IRAG1: variants seen among roughly 807,000 people sequenced by gnomAD.
IRAG1 encodes the protein IP3R-associated cGMP kinase substrate.
IRAG1 carries 62 observed loss-of-function variants against 106.2 expected under a neutral mutation model. That is an observed-to-expected ratio of 0.58 (90% CI 0.48 to 0.72). The LOEUF is 0.72. Among genes scored for constraint, IRAG1 ranks in the 30% least tolerant of loss-of-function variants. IRAG1 has a pLI of 0.00. For synonymous variants in IRAG1, 462 were observed against 443.9 expected, an observed-to-expected ratio of 1.04 and a Z score of -0.51; for missense variants, 1,064 against 1,140.7, an observed-to-expected ratio of 0.93 and a Z score of 0.97.
intron 16 of IRAG1, 137 bp downstream of exon 16, chr11:10,594,009 T>C: frequency 2.5e-6 from 2 of 790,086 alleles, no homozygotes; most frequent in South Asian, 3.6e-5. Context: ...AACTTGAGAG[T>C]GTGGAAAGCC....
At chr11:10,672,887 T>C (rs1445688657) in intron 1 of IRAG1, among the ~76,000 whole-genome samples, 1 of 152,214 alleles carries the variant, frequency 6.6e-6, no homozygotes, top group African/African-American at 2.4e-5. Flanking sequence ...AGCAGCACTA[T>C]TTATAATAGC....
rs755957117 is a variant in IRAG1, at chr11:10,581,917, C to T, written c.2310G>A (p.Glu770=). Residue 770 remains glutamate, a synonymous_variant, in exon 19 of 21, where the codon GAG becomes GAA. Coordinates refer to ENST00000423302, the MANE Select transcript of IRAG1 (RefSeq NM_130385.4). ...TCCTGGCCTTGGTCTCCTGACTAAG[C>T]TCCTCCAGGCAGCTCAGGGTCAGCG... ...APALTLSCLE[E]LSQETKARME... The T allele has an allele frequency of 1.2e-6, 2 of 1,613,944 alleles. No individual in the cohort carries two copies. The highest frequency in any genetic ancestry group is 1.7e-6 in the Non-Finnish European group (2 of 1,179,838).
In IRAG1 at chr11:10,616,948, GA is replaced by G. The variant is rs532068528; in HGVS notation, c.1447+6829del. 523 of 844,910 alleles carry G rather than the reference GA, an allele frequency of 6.2e-4. 2 individuals carry two copies. In the African/African-American group the frequency reaches 8.9e-3, roughly 14 times the overall value. 52.3% of individuals were successfully genotyped at this position (844,910 alleles called of 1,614,324 possible). On this transcript the variant is annotated intron_variant, in intron 10 of 20. Transcript: ENST00000423302. Reference sequence around the variant, plus strand: ...TGTTTCTGACCATGTCAGGGACTTGGAAAAATTACTTTTGGAGCTCTGAAAG... The same window carrying G: ...TGTTTCTGACCATGTCAGGGACTTGGAAAATTACTTTTGGAGCTCTGAAAG...
rs547529559 is a variant in IRAG1 at position 10,623,615 on chromosome 11, G to A, written c.1447+163C>T. 9.2e-5 allele frequency among the ~76,000 whole-genome samples: 14 copies of A among 152,344 alleles called. No homozygotes were observed. The Middle Eastern group carries it at 0.014, about 148-fold the overall frequency. On this transcript the variant is annotated intron_variant, in intron 10 of 20. Transcript: ENST00000423302. ...GGGCTGGTTGGAAGGAGGCAGGTTT[G>A]GAGGTGCTGAGCGGGCAGAAGACAC... is the stretch of plus-strand genomic sequence containing the variant.
rs960582730 is a variant in IRAG1, at chr11:10,628,550, G to A, written c.652+201C>T. Among the ~76,000 whole-genome samples, 7 of 152,206 alleles carry A rather than the reference G, an allele frequency of 4.6e-5. No homozygotes were observed. The highest frequency in any genetic ancestry group is 1.4e-4 in the African/African-American group (6 of 41,450). On this transcript the variant is annotated intron_variant, in intron 6 of 20. Coordinates refer to ENST00000423302, the MANE Select transcript of IRAG1 (RefSeq NM_130385.4). The surrounding 1 kb of genome is among the most constrained non-coding windows in gnomAD (Gnocchi z 4.1). The stretch of plus-strand genomic sequence containing the variant: ...CTGCCTCCCGACACAAGCCCAAGAT[G>A]CTAACAGAAAGTCTATCTGCCTCCT...
At chr11:10,603,317 C>T in intron 13 of IRAG1, 66 bp from the exon 14 acceptor site, 3 of 1,568,158 alleles carry the variant, frequency 1.9e-6, no homozygotes, top group Non-Finnish European at 2.6e-6. Context: ...CAGCAGTCCC[C>T]AACCTTTTCG....
chr11:10,623,814 G>A lies in IRAG1; in HGVS notation c.1411C>T (p.Leu471Phe), dbSNP rs1564912942. The A allele has an allele frequency of 4.3e-6, 7 of 1,614,040 alleles. No homozygotes were observed. The highest frequency in any genetic ancestry group is 2.2e-5 in the East Asian group (1 of 44,890). Reference protein sequence around the residue: ...MRNQNLVGLKLPDLSEAAEQE... With the variant: ...MRNQNLVGLKFPDLSEAAEQE... ...TCAGCTGCTTCACTAAGGTCTGGAA[G>A]CTTGAGCCCCACTAAGTTCTGATTT... The change falls in exon 10 of 21, where the codon CTT becomes TTT. Residue 471 changes from leucine (L) to phenylalanine (F), a missense_variant. Physicochemically the swap from Leu to Phe is conservative, Grantham distance 22. Coordinates refer to ENST00000423302, the MANE Select transcript of IRAG1 (RefSeq NM_130385.4).
intron 10 of IRAG1, among the ~76,000 whole-genome samples, chr11:10,613,973 C>T (rs1377554333): frequency 6.6e-6 from 1 of 152,164 alleles, no homozygotes; most frequent in Non-Finnish European, 1.5e-5. Flanking sequence ...AATTCTCACG[C>T]ACCAAGCCAA....
At chr11:10,596,223 G>A (rs555633358) in intron 15 of IRAG1, among the ~76,000 whole-genome samples, 5 of 152,112 alleles carry the variant, frequency 3.3e-5, no homozygotes, top group Non-Finnish European at 5.9e-5. Flanking sequence ...TGTTCTTTCA[G>A]CGAGGGTCTA....
chr11:10,588,193 C>A (rs1441003785), intron 18 of IRAG1, among the ~76,000 whole-genome samples: 1 of 152,074 alleles, frequency 6.6e-6, no homozygotes, highest in Admixed American at 6.6e-5. Context: ...CAGTAATTAC[C>A]ATTGTCATCG....
At position 10,628,177 on chromosome 11, in the gene IRAG1, G is replaced by A; in HGVS notation, c.653-152C>T. On this transcript the variant is annotated intron_variant, in intron 6 of 20. Coordinates refer to ENST00000423302, the MANE Select transcript of IRAG1 (RefSeq NM_130385.4). This position sits in a 1 kb window ranked among gnomAD's most constrained non-coding sequence, Gnocchi z 4.1. ...CCTCCCGTGTGCCAGGTTCTCAGGTGGGCCCTCACAGAATGTTCACAGAGA... is the reference window on the plus strand; with the variant it reads ...CCTCCCGTGTGCCAGGTTCTCAGGTAGGCCCTCACAGAATGTTCACAGAGA... 1.2e-6 allele frequency: 1 copy of A among 802,696 alleles called. No individual in the cohort carries two copies. Among genetic ancestry groups the A allele is most frequent in the Non-Finnish European group, 2.1e-6 (1 of 466,192 alleles). 49.7% of individuals were successfully genotyped at this position (802,696 alleles called of 1,614,324 possible). A position where few individuals can be genotyped will look rare whatever the true frequency, so the allele number is the denominator to read the frequency against.
rs756930002 is a variant in IRAG1 at position 10,580,590 on chromosome 11, C to G, written c.2361-1G>C. The G allele has an allele frequency of 1.2e-6, 2 of 1,610,796 alleles. No individual in the cohort carries two copies. Among genetic ancestry groups the G allele is most frequent in the Non-Finnish European group, 8.5e-7 (1 of 1,179,022 alleles). ...GGTCTTCTTTAGACCTTCTTGGAAT[C>G]TGGGGGGCAAAAAGGAACAGTTGAG... is the stretch of plus-strand genomic sequence containing the variant. On this transcript the variant is annotated splice_acceptor_variant, in intron 19 of 20. Transcript: ENST00000423302. LOFTEE classifies it high-confidence loss of function.
intron 1 of IRAG1, among the ~76,000 whole-genome samples, chr11:10,664,542 G>A (rs886816573): frequency 3.9e-5 from 6 of 152,162 alleles, no homozygotes; most frequent in African/African-American, 9.7e-5. Flanking sequence ...AATAGTAAAG[G>A]CTGGGCTAAC....
chr11:10,584,548 AATATATATAT>A (rs56768282), intron 18 of IRAG1, among the ~76,000 whole-genome samples: 3,428 of 98,558 alleles, frequency 0.035, 184 homozygotes, highest in African/African-American at 0.11. Flanking sequence ...TCTTTCATGA[AATATATATAT>A]ATATATATAT....
Position 10,634,040 on chromosome 11 carries a change from G to A in IRAG1, c.257C>T (p.Pro86Leu), listed in dbSNP as rs1257257717. The change falls in exon 3 of 21, where the codon CCA becomes CTA. Residue 86 changes from proline to leucine, a missense_variant. Transcript: ENST00000423302. Reference protein sequence around the residue: ...GPPAAGVSCSPTPTIVLTGDA... With the variant: ...GPPAAGVSCSLTPTIVLTGDA... ...CCCAGTCAGGACAATCGTGGGAGTT[G>A]GACTGCAAGATACTCCTGCGGCAGG... is the stretch of plus-strand genomic sequence containing the variant. 5 of 1,611,852 alleles carry A rather than the reference G, an allele frequency of 3.1e-6. No individual in the cohort carries two copies. Among genetic ancestry groups the A allele is most frequent in the Non-Finnish European group, 4.2e-6 (5 of 1,178,822 alleles).
intron 18 of IRAG1, among the ~76,000 whole-genome samples, chr11:10,584,135 A>G (rs1190263370): frequency 6.6e-6 from 1 of 152,028 alleles, no homozygotes; most frequent in African/African-American, 2.4e-5. Flanking sequence ...TCCCAATGGG[A>G]GCAATGTCGT....
At chr11:10,625,830 G>A in intron 9 of IRAG1, 136 bp downstream of exon 9, 1 of 868,242 alleles carries the variant, frequency 1.2e-6, no homozygotes. Flanking sequence ...TCTCAGAGTG[G>A]GAAAATTTAC....
intron 1 of IRAG1, among the ~76,000 whole-genome samples, chr11:10,663,704 C>G (rs533742319): frequency 4.3e-4 from 66 of 152,338 alleles, no homozygotes; most frequent in African/African-American, 1.5e-3. Context: ...TTTTGTAACA[C>G]AGGTACAGAG....
chr11:10,590,578 G>C (rs912677467), intron 18 of IRAG1, among the ~76,000 whole-genome samples: 1 of 145,226 alleles, frequency 6.9e-6, no homozygotes, highest in Non-Finnish European at 1.5e-5. Context: ...GAAGAATAAG[G>C]TATATGTTTT....
Sources: allele counts gnomAD v4.1 joint callset (sites outside exome capture counted in the v4.1 genomes callset), GRCh38; gene constraint gnomAD v4.1.1; non-coding constraint Gnocchi (gnomAD v3.1); transcripts MANE v1.5; gene names NCBI Gene and HGNC (gene_info 2026-07-23, HGNC 2026-07-21).